Variants in SLC14A2 observed in about 807,000 individuals in gnomAD.
SLC14A2 encodes solute carrier family 14 member 2, also known as urea transporter 2.
A neutral mutation model predicts 104.6 loss-of-function variants in SLC14A2; 91 were observed. The ratio of observed to expected loss-of-function variants is 0.87; its 90% CI spans 0.73 to 1.04. The LOEUF is 1.04. SLC14A2 is among the 50% of genes least tolerant of loss of function. SLC14A2 has a pLI of 0.00. For missense variants in SLC14A2, 1,189 were observed against 1,156.0 expected, an observed-to-expected ratio of 1.03 and a Z score of -0.41; for synonymous variants, 476 against 466.4, an observed-to-expected ratio of 1.02 and a Z score of -0.27.
intron 1 of SLC14A2, among the ~76,000 whole-genome samples, chr18:45,235,640 T>A (rs1323883928): frequency 6.6e-6 from 1 of 151,742 alleles, no homozygotes; most frequent in Non-Finnish European, 1.5e-5. Context: ...GATCAATTTG[T>A]TTGGTCCCCA....
chr18:45,567,079 T>C lies in SLC14A2; in HGVS notation c.-34-57552T>C, dbSNP rs922310720. Among the ~76,000 whole-genome samples, 319 of 151,316 alleles carry C rather than the reference T, an allele frequency of 2.1e-3. 4 individuals carry two copies. The highest frequency in any genetic ancestry group is 7.0e-3 in the African/African-American group (289 of 41,268). On this transcript the variant is annotated intron_variant, in intron 2 of 20. Transcript: ENST00000586448. ...TAGTGTGTGTGTGTGTGTGTGTGTG[T>C]GTGTGTGTGTGTGTGTGTGTAACTC...
chr18:45,615,813 G>T (rs888279670), intron 1 of SLC14A2, among the ~76,000 whole-genome samples: 1 of 139,504 alleles, frequency 7.2e-6, no homozygotes, highest in Non-Finnish European at 1.6e-5. Flanking sequence ...ATGTGTAGGG[G>T]TGTATGTGTG....
At chr18:45,314,442 A>G (rs1272118552) in intron 1 of SLC14A2, among the ~76,000 whole-genome samples, 1 of 152,184 alleles carries the variant, frequency 6.6e-6, no homozygotes, top group African/African-American at 2.4e-5. Flanking sequence ...CTCACATTGA[A>G]ACAGCACTCT....
chr18:45,649,977 T>C (rs964256897), intron 10 of SLC14A2, among the ~76,000 whole-genome samples: 2 of 152,254 alleles, frequency 1.3e-5, no homozygotes, highest in Admixed American at 6.5e-5. Context: ...CTCAAGTCTT[T>C]CTTCAGCTTA....
chr18:45,285,663 C>A (rs1294633341), intron 1 of SLC14A2, among the ~76,000 whole-genome samples: 1 of 13,954 alleles, frequency 7.2e-5, no homozygotes, highest in East Asian at 0.011. Flanking sequence ...GGTGATCTGC[C>A]CCCCCCCCCC....
At chr18:45,422,527 A>G (rs760871368) in intron 1 of SLC14A2, among the ~76,000 whole-genome samples, 1 of 152,096 alleles carries the variant, frequency 6.6e-6, no homozygotes, top group Admixed American at 6.6e-5. Context: ...AGGCGTGGAG[A>G]GGACTAGTGG....
chr18:45,397,644 G>C (rs572792704), intron 1 of SLC14A2, among the ~76,000 whole-genome samples: 1 of 152,008 alleles, frequency 6.6e-6, no homozygotes, highest in Non-Finnish European at 1.5e-5. Flanking sequence ...AGTTTCTTTG[G>C]CTGTGCAGAA....
At chr18:45,304,728 T>C (rs1178450474) in intron 1 of SLC14A2, among the ~76,000 whole-genome samples, 1 of 152,128 alleles carries the variant, frequency 6.6e-6, no homozygotes, top group African/African-American at 2.4e-5. Flanking sequence ...GCAGCCTAAC[T>C]ACACAGTCCT....
chr18:45,195,467 C>A, the SLC14A2 span, among the ~76,000 whole-genome samples: 1 of 152,156 alleles, frequency 6.6e-6, no homozygotes, highest in African/African-American at 2.4e-5. Flanking sequence ...TCTTGGCTCA[C>A]CACAACCTCC....
intron 10 of SLC14A2, among the ~76,000 whole-genome samples, chr18:45,650,674 G>A (rs529135904): frequency 6.6e-6 from 1 of 152,338 alleles, no homozygotes; most frequent in South Asian, 2.1e-4. Context: ...AGGTGAAGAT[G>A]AGGATGCGGA....
At chr18:45,382,271 C>T (rs1003377030) in intron 1 of SLC14A2, among the ~76,000 whole-genome samples, 4 of 150,274 alleles carry the variant, frequency 2.7e-5, no homozygotes, top group African/African-American at 9.7e-5. Context: ...AATACTTGTG[C>T]TAGATGTTGG....
At chr18:45,399,841 A>G (rs1423755674) in intron 1 of SLC14A2, among the ~76,000 whole-genome samples, 1 of 152,154 alleles carries the variant, frequency 6.6e-6, no homozygotes, top group Admixed American at 6.6e-5. Flanking sequence ...GTTAGTACCA[A>G]GAGCCAAGGG....
At chr18:45,477,112 T>A (rs1182745966) in intron 1 of SLC14A2, among the ~76,000 whole-genome samples, 1 of 152,216 alleles carries the variant, frequency 6.6e-6, no homozygotes, top group African/African-American at 2.4e-5. Flanking sequence ...CTCATCTTCA[T>A]GGATTTATCT....
rs138832031 is a variant in SLC14A2 at position 45,422,256 on chromosome 18, T to C, written c.-124-60977T>C. Among the ~76,000 whole-genome samples, 744 of 152,272 alleles carry C rather than the reference T, an allele frequency of 4.9e-3. 7 individuals are homozygous for C. The highest frequency in any genetic ancestry group is 0.017 in the African/African-American group (709 of 41,552). On this transcript the variant is annotated intron_variant, in intron 1 of 20. Coordinates refer to the SLC14A2 transcript ENST00000586448. ...GGATCCAAGGCCTGTTTGCAGCAGC[T>C]ATTACAGTGGTTTGAAAATGAGGTA...
intron 1 of SLC14A2, among the ~76,000 whole-genome samples, chr18:45,318,044 A>G (rs1184826371): frequency 6.6e-6 from 1 of 152,226 alleles, no homozygotes; most frequent in African/African-American, 2.4e-5. Flanking sequence ...AGCGGGAGCT[A>G]GGACCTGGGA....
chr18:45,378,348 A>G (rs917918608), intron 1 of SLC14A2, among the ~76,000 whole-genome samples: 4 of 152,228 alleles, frequency 2.6e-5, no homozygotes, highest in Non-Finnish European at 5.9e-5. Context: ...TAGGAGAACT[A>G]CTTCTTGAGA....
chr18:45,361,714 G>A (rs909972482), intron 1 of SLC14A2, among the ~76,000 whole-genome samples: 3 of 152,114 alleles, frequency 2.0e-5, no homozygotes, highest in Admixed American at 6.5e-5. Context: ...TCTCCCTCTC[G>A]GCCAGGGCTG....
At chr18:45,299,419 G>C (rs1020680988) in intron 1 of SLC14A2, among the ~76,000 whole-genome samples, 1 of 152,212 alleles carries the variant, frequency 6.6e-6, no homozygotes, top group African/African-American at 2.4e-5. Flanking sequence ...ATGTGCGCAT[G>C]CACACACACA....
upstream of SLC14A2, among the ~76,000 whole-genome samples, chr18:45,211,183 T>A (rs1335677173): frequency 6.6e-6 from 1 of 152,212 alleles, no homozygotes; most frequent in Admixed American, 6.5e-5. Context: ...GAGTTCACCT[T>A]TATCATGCAG....
Sources: gnomAD v4.1 joint callset for allele counts (sites outside exome capture counted in the v4.1 genomes callset) on GRCh38, gnomAD v4.1.1 for gene constraint, MANE v1.5 for transcripts, NCBI Gene and HGNC (gene_info 2026-07-23, HGNC 2026-07-21) for gene names.